Variants in CSMD2 observed in about 807,000 individuals in gnomAD.
CSMD2 encodes CUB and sushi domain-containing protein 2.
In CSMD2, 130 loss-of-function variants were observed where a neutral mutation model predicts 398.5. The ratio of observed to expected loss-of-function variants is 0.33; its 90% CI spans 0.28 to 0.38. CSMD2 has a LOEUF of 0.38. Among genes scored for constraint, CSMD2 ranks in the 10% least tolerant of loss-of-function variants. The pLI, the probability that CSMD2 is intolerant of heterozygous loss-of-function variation, is 1.00. For synonymous variants in CSMD2, 1,828 were observed against 1,908.5 expected, an observed-to-expected ratio of 0.96 and a Z score of 1.10; for missense variants, 3,829 against 4,764.9, an observed-to-expected ratio of 0.80 and a Z score of 5.78.
chr1:34,059,389 C>T (rs1011690191), intron 2 of CSMD2, among the ~76,000 whole-genome samples: 2 of 152,204 alleles, frequency 1.3e-5, no homozygotes, highest in African/African-American at 2.4e-5. Context: ...CCTCAGCCCC[C>T]TCATTCTAAC....
At chr1:34,063,068 A>G (rs1339111107) in intron 2 of CSMD2, among the ~76,000 whole-genome samples, 1 of 152,130 alleles carries the variant, frequency 6.6e-6, no homozygotes, top group Non-Finnish European at 1.5e-5. Context: ...ATTCACTACC[A>G]CAAGAACAGT....
intron 1 of CSMD2, among the ~76,000 whole-genome samples, chr1:34,100,548 A>C (rs1659837646): frequency 6.6e-6 from 1 of 150,634 alleles, no homozygotes; most frequent in Admixed American, 6.6e-5. Context: ...TTATTCAACC[A>C]CTCCCCTGTT....
At chr1:33,680,918 C>T (rs868354885) in intron 25 of CSMD2, among the ~76,000 whole-genome samples, 28 of 75,922 alleles carry the variant, frequency 3.7e-4, no homozygotes, top group Admixed American at 7.0e-4. Context: ...CTGTTTTATG[C>T]TTTTTTTTTT....
intron 44 of CSMD2, among the ~76,000 whole-genome samples, chr1:33,595,920 G>A (rs776572386): frequency 1.3e-5 from 2 of 152,186 alleles, no homozygotes; most frequent in East Asian, 1.9e-4. Flanking sequence ...GCTAAGAAAT[G>A]TATGTGCAAA....
chr1:33,807,650 T>A (rs1274168905), intron 10 of CSMD2, among the ~76,000 whole-genome samples: 1 of 152,118 alleles, frequency 6.6e-6, no homozygotes, highest in African/African-American at 2.4e-5. Context: ...CCATAGAGTA[T>A]GAATTGGAAG....
chr1:34,116,188 C>G (rs2148456905), intron 1 of CSMD2, among the ~76,000 whole-genome samples: 1 of 152,086 alleles, frequency 6.6e-6, no homozygotes, highest in East Asian at 1.9e-4. Context: ...CAAGATCTAA[C>G]TATATGCTGT....
intron 1 of CSMD2, among the ~76,000 whole-genome samples, chr1:34,108,522 G>C (rs1005913194): frequency 2.6e-5 from 4 of 152,174 alleles, no homozygotes; most frequent in African/African-American, 7.2e-5. Context: ...CCATGGTCCG[G>C]AACCGTAAAT....
chr1:34,066,356 C>T (rs968224155), intron 2 of CSMD2, among the ~76,000 whole-genome samples: 49 of 152,182 alleles, frequency 3.2e-4, no homozygotes, highest in African/African-American at 1.1e-3. Context: ...CTCCTGCATC[C>T]CCCTCTCTGC....
At chr1:33,692,883 T>C (rs778975561) in intron 25 of CSMD2, 47 bp downstream of exon 25, 11 of 1,599,294 alleles carry the variant, frequency 6.9e-6, no homozygotes, top group Admixed American at 1.7e-5. Context: ...TGATGATGGC[T>C]CCCCTGAACA....
intron 14 of CSMD2, 120 bp from the exon 15 acceptor site, chr1:33,739,454 G>A (rs1646987688): frequency 1.0e-6 from 1 of 964,568 alleles, no homozygotes; most frequent in Middle Eastern, 2.9e-4. Flanking sequence ...CCAAGAACTT[G>A]CCATGTTGGC....
chr1:33,537,487 T>G lies in CSMD2; in HGVS notation c.9754A>C (p.Arg3252=). The G allele has an allele frequency of 6.2e-7, 1 of 1,614,134 alleles. No individual in the cohort carries two copies. The highest frequency in any genetic ancestry group is 8.5e-7 in the Non-Finnish European group (1 of 1,180,006). ...PPLVLVGSPR[R]FCQSDGTWSG... is the part of the protein sequence containing the mutation. The stretch of plus-strand genomic sequence containing the variant: ...CATGTCCCATCTGACTGGCAAAACC[T>G]GCGTGGAGAGCCCACCAGCACCAGA... Residue 3252 remains arginine (R), a synonymous_variant, in exon 61 of 71, where the codon AGG becomes CGG. Coordinates refer to ENST00000373381, the MANE Select transcript of CSMD2 (RefSeq NM_001281956.2). This position sits in a 1 kb window ranked among gnomAD's most constrained non-coding sequence, Gnocchi z 4.6.
intron 27 of CSMD2, among the ~76,000 whole-genome samples, chr1:33,652,801 C>G (rs1643833624): frequency 6.6e-6 from 1 of 152,248 alleles, no homozygotes; most frequent in African/African-American, 2.4e-5. Context: ...CAGCCCCAGG[C>G]TGGATTGCAG....
At chr1:33,888,904 A>G (rs1041120394) in intron 5 of CSMD2, among the ~76,000 whole-genome samples, 1 of 152,072 alleles carries the variant, frequency 6.6e-6, no homozygotes, top group Non-Finnish European at 1.5e-5. Context: ...AGTAGCTGGG[A>G]CTATAGGCGC....
At chr1:34,092,226 A>G (rs538357159) in intron 1 of CSMD2, among the ~76,000 whole-genome samples, 23 of 152,362 alleles carry the variant, frequency 1.5e-4, no homozygotes, top group Non-Finnish European at 2.6e-4. Flanking sequence ...CTGGAGAGAC[A>G]TAGCATAATC....
chr1:33,652,458 G>A lies in CSMD2; in HGVS notation c.4451C>T (p.Pro1484Leu). The change falls in exon 28 of 71, where the codon CCC (proline) becomes CTC (leucine). Residue 1484 changes from proline to leucine, a missense_variant. Coordinates refer to ENST00000373381, the MANE Select transcript of CSMD2 (RefSeq NM_001281956.2). Reference sequence around the variant, plus strand: ...TGGTCCTGTCAGGTCTCCCCCGCAGGGAGCTGAGGAGAGAAGAAGACGAGG... The same window carrying A: ...TGGTCCTGTCAGGTCTCCCCCGCAGAGAGCTGAGGAGAGAAGAAGACGAGG... ...WQPSPPTCIA[P>L]CGGDLTGPSG... 1.2e-6 allele frequency: 2 copies of A among 1,613,862 alleles called. No homozygotes were observed. The highest frequency in any genetic ancestry group is 1.7e-6 in the Non-Finnish European group (2 of 1,179,778).
intron 2 of CSMD2, among the ~76,000 whole-genome samples, chr1:34,074,808 G>A (rs1248329316): frequency 6.6e-6 from 1 of 152,140 alleles, no homozygotes; most frequent in Non-Finnish European, 1.5e-5. Flanking sequence ...AGGAGGGTTT[G>A]ACCAGGTTGT....
intron 44 of CSMD2, 79 bp from the exon 45 acceptor site, chr1:33,587,247 A>T: frequency 1.9e-6 from 2 of 1,073,598 alleles, no homozygotes; most frequent in East Asian, 2.6e-5. Context: ...TCAATTCTTC[A>T]CTTTCTCATC....
chr1:33,600,881 G>A lies in CSMD2; in HGVS notation c.6840C>T (p.Phe2280=), dbSNP rs748594416. Residue 2280 remains phenylalanine, a synonymous_variant, in exon 44 of 71, where the codon TTC becomes TTT. Transcript: ENST00000373381. Reference sequence around the variant, plus strand: ...CATACTGACCGGAGAAAGCTATGGCGAAGATCCCCCCTGTGGCTGCATCAC... The same window carrying A: ...CATACTGACCGGAGAAAGCTATGGCAAAGATCCCCCCTGTGGCTGCATCAC... The part of the protein sequence containing the change: ...FHRDAATGGI[F]AIAFSAYPLT... 5 of 1,614,130 alleles carry A rather than the reference G, an allele frequency of 3.1e-6. No individual in the cohort carries two copies. Among genetic ancestry groups the A allele is most frequent in the Admixed American group, 1.7e-5 (1 of 60,008 alleles).
chr1:33,939,436 G>A (rs1644593140), intron 3 of CSMD2, among the ~76,000 whole-genome samples: 1 of 152,156 alleles, frequency 6.6e-6, no homozygotes, highest in Admixed American at 6.5e-5. Flanking sequence ...GGAGAAAAAA[G>A]CAAGCTAAGG....
Sources: allele counts gnomAD v4.1 joint callset (sites outside exome capture counted in the v4.1 genomes callset), GRCh38; gene constraint gnomAD v4.1.1; non-coding constraint Gnocchi (gnomAD v3.1); transcripts MANE v1.5; gene names NCBI Gene and HGNC (gene_info 2026-07-23, HGNC 2026-07-21).